SLC2A13: variants seen among roughly 807,000 people sequenced by gnomAD.
SLC2A13 encodes proton myo-inositol cotransporter.
A neutral mutation model predicts 64.4 loss-of-function variants in SLC2A13; 32 were observed. The ratio of observed to expected loss-of-function variants is 0.50; its 90% CI spans 0.37 to 0.67. The LOEUF (loss-of-function observed/expected upper bound fraction) is 0.67. SLC2A13 is among the 30% of genes least tolerant of loss of function. SLC2A13 has a pLI of 0.00. For synonymous variants in SLC2A13, 338 were observed against 327.1 expected, an observed-to-expected ratio of 1.03 and a Z score of -0.36; for missense variants, 743 against 829.2, an observed-to-expected ratio of 0.90 and a Z score of 1.28.
intron 3 of SLC2A13, among the ~76,000 whole-genome samples, chr12:40,007,398 A>C (rs759434223): frequency 2.0e-5 from 3 of 152,216 alleles, no homozygotes; most frequent in African/African-American, 7.2e-5. Context: ...CTAAAACTTC[A>C]TAAGTTCTTT....
Position 39,958,946 on chromosome 12 carries a change from C to A in SLC2A13, c.926-7581G>T, listed in dbSNP as rs564151584. Among the ~76,000 whole-genome samples the A allele has an allele frequency of 1.4e-4, 21 of 152,072 alleles. No individual in the cohort carries two copies. The East Asian group carries it at 3.9e-3, about 28-fold the overall frequency. On this transcript the variant is annotated intron_variant, in intron 3 of 9. Transcript: ENST00000280871. ...TGTCGGGTGTGTAGTTCAGGCTTTGCTCATTTTATCATTTTACTTCCCATT... is the reference window on the plus strand; with the variant it reads ...TGTCGGGTGTGTAGTTCAGGCTTTGATCATTTTATCATTTTACTTCCCATT...
At position 39,809,776 on chromosome 12, in the gene SLC2A13, C is replaced by T. The variant is rs551630875; in HGVS notation, c.1445+20327G>A. ...GCGGTGTTTGGTTTTTTTGTCCTTG[C>T]GATAGTTTGCTGAGAATGATGGTTT... is the stretch of plus-strand genomic sequence containing the variant. On this transcript the variant is annotated intron_variant, in intron 7 of 9. Coordinates refer to ENST00000280871, the MANE Select transcript of SLC2A13 (RefSeq NM_052885.4). Among the ~76,000 whole-genome samples the T allele has an allele frequency of 1.8e-4, 27 of 152,078 alleles. 1 individual carries two copies. Among genetic ancestry groups the T allele is most frequent in the South Asian group, 1.5e-3 (7 of 4,812 alleles).
intron 4 of SLC2A13, among the ~76,000 whole-genome samples, chr12:39,944,302 A>G (rs1252797935): frequency 6.6e-6 from 1 of 152,266 alleles, no homozygotes; most frequent in Non-Finnish European, 1.5e-5. Flanking sequence ...GTGCTGCTGA[A>G]TAGAATGTGC....
At chr12:39,864,941 TG>T in intron 5 of SLC2A13, 59 bp from the exon 6 acceptor site, 1 of 1,484,932 alleles carries the variant, frequency 6.7e-7, no homozygotes. Flanking sequence ...TAAGGCAGAC[TG>T]GGTTTGGTAA....
intron 1 of SLC2A13, among the ~76,000 whole-genome samples, chr12:40,092,207 G>A (rs932387802): frequency 2.0e-5 from 3 of 152,174 alleles, no homozygotes; most frequent in Non-Finnish European, 2.9e-5. Flanking sequence ...AGGAAATGTG[G>A]CTCAAGCCAA....
At chr12:40,070,566 A>T in intron 1 of SLC2A13, among the ~76,000 whole-genome samples, 1 of 152,306 alleles carries the variant, frequency 6.6e-6, no homozygotes, top group South Asian at 2.1e-4. Flanking sequence ...AATCAACTCA[A>T]TAAGAACTGA....
chr12:40,022,104 A>T (rs1156996688), intron 3 of SLC2A13, among the ~76,000 whole-genome samples: 1 of 152,158 alleles, frequency 6.6e-6, no homozygotes, highest in Non-Finnish European at 1.5e-5. Context: ...AAGGAACTGG[A>T]GGTAAATCAA....
chr12:39,864,819 C>T lies in SLC2A13; in HGVS notation c.1262G>A (p.Arg421His), dbSNP rs200242923. ...GFVLSAQVSP[R>H]ITFKPIAPSG... ...CGGAGCTATTGGCTTAAAAGTGATG[C>T]GTGGGGAAACTTGGGCTGATAGCAC... The change falls in exon 6 of 10, where the codon CGC becomes CAC. Residue 421 changes from arginine (R) to histidine (H), a missense_variant. Physicochemically the swap from Arg to His is conservative, Grantham distance 29. Transcript: ENST00000280871. The T allele has an allele frequency of 8.6e-5, 138 of 1,613,552 alleles. No individual in the cohort carries two copies. The highest frequency in any genetic ancestry group is 1.2e-4 in the Admixed American group (7 of 59,956).
At chr12:39,854,182 A>G (rs1221767479) in intron 6 of SLC2A13, among the ~76,000 whole-genome samples, 1 of 152,052 alleles carries the variant, frequency 6.6e-6, no homozygotes, top group East Asian at 1.9e-4. Flanking sequence ...TACCAGTTAC[A>G]TCACTTTAGG....
intron 6 of SLC2A13, among the ~76,000 whole-genome samples, chr12:39,846,994 G>A (rs1943335355): frequency 6.6e-6 from 1 of 152,092 alleles, no homozygotes; most frequent in South Asian, 2.1e-4. Context: ...CTGTTTCACT[G>A]GTTTCAAAGG....
intron 5 of SLC2A13, among the ~76,000 whole-genome samples, chr12:39,866,917 G>A (rs1386863355): frequency 6.6e-6 from 1 of 152,226 alleles, no homozygotes; most frequent in Non-Finnish European, 1.5e-5. Context: ...AAGGTCAGAA[G>A]TCTATTTTGC....
At chr12:39,969,554 T>A (rs1174310611) in intron 3 of SLC2A13, among the ~76,000 whole-genome samples, 1 of 152,008 alleles carries the variant, frequency 6.6e-6, no homozygotes, top group Non-Finnish European at 1.5e-5. Context: ...TGGCCAGTGA[T>A]GATGAGCATT....
chr12:40,017,462 ATCT>A (rs2136201993), intron 3 of SLC2A13, among the ~76,000 whole-genome samples: 1 of 152,306 alleles, frequency 6.6e-6, no homozygotes, highest in South Asian at 2.1e-4. Flanking sequence ...TCATTAATAC[ATCT>A]TCTCTCTATT....
At chr12:39,985,627 G>A (rs769378129) in intron 3 of SLC2A13, among the ~76,000 whole-genome samples, 24 of 152,218 alleles carry the variant, frequency 1.6e-4, no homozygotes, top group Non-Finnish European at 2.8e-4. Context: ...ATAAAACAAT[G>A]TACTGATACA....
At chr12:39,996,639 C>T (rs960214548) in intron 3 of SLC2A13, among the ~76,000 whole-genome samples, 1 of 152,174 alleles carries the variant, frequency 6.6e-6, no homozygotes, top group Non-Finnish European at 1.5e-5. Context: ...CCCTGTATTC[C>T]AGCTGCTTCA....
At chr12:40,021,206 G>C (rs576217848) in intron 3 of SLC2A13, among the ~76,000 whole-genome samples, 1 of 152,066 alleles carries the variant, frequency 6.6e-6, no homozygotes, top group Non-Finnish European at 1.5e-5. Context: ...TTCTTCTCCC[G>C]TGAGTATGCT....
intron 5 of SLC2A13, among the ~76,000 whole-genome samples, chr12:39,865,980 T>C (rs61348149): frequency 0.018 from 2,677 of 152,290 alleles, 78 homozygotes; most frequent in African/African-American, 0.058. Context: ...CTCTGAGATA[T>C]GTGTTAACTT....
intron 3 of SLC2A13, among the ~76,000 whole-genome samples, chr12:39,996,395 G>A (rs1454648416): frequency 4.6e-5 from 7 of 152,254 alleles, no homozygotes; most frequent in African/African-American, 1.7e-4. Context: ...CTGACAATGT[G>A]GTAGAAAAGA....
intron 2 of SLC2A13, among the ~76,000 whole-genome samples, chr12:40,037,345 G>A (rs1948005791): frequency 1.3e-5 from 2 of 152,104 alleles, no homozygotes; most frequent in African/African-American, 4.8e-5. Context: ...GGGGCTGGGT[G>A]CAGTGGCCCA....
Sources: gnomAD v4.1 joint callset for allele counts (sites outside exome capture counted in the v4.1 genomes callset) on GRCh38, gnomAD v4.1.1 for gene constraint, MANE v1.5 for transcripts, NCBI Gene and HGNC (gene_info 2026-07-23, HGNC 2026-07-21) for gene names.